The following CYB5B variants were observed in gnomAD, a reference collection of about 807,000 sequenced individuals.
CYB5B encodes the protein cytochrome b5 type B (outer mitochondrial membrane).
CYB5B carries 14 observed loss-of-function variants against 21.3 expected under a neutral mutation model. The observed-to-expected ratio is 0.66, with a 90% confidence interval of 0.43 to 1.03. CYB5B has a LOEUF of 1.03. Ranked by LOEUF, CYB5B falls within the 50% of genes least tolerant of loss-of-function variation. The pLI, the probability that CYB5B is intolerant of heterozygous loss-of-function variation, is 0.00. For synonymous variants in CYB5B, 69 were observed against 68.4 expected (o/e 1.01, Z -0.04); for missense variants, 166 against 185.1 (o/e 0.90, Z 0.60).
At chr16:69,460,911 C>T (rs902157580) in intron 4 of CYB5B, among the ~76,000 whole-genome samples, 1 of 152,160 alleles carries the variant, frequency 6.6e-6, no homozygotes, top group African/African-American at 2.4e-5. Context: ...CCTGAATCTC[C>T]TGTGATGCAG....
chr16:69,450,337 A>C (rs2014920676), intron 3 of CYB5B: 1 of 152,136 alleles, frequency 6.6e-6, no homozygotes, highest in Admixed American at 6.5e-5. Context: ...GAAGTCTCCA[A>C]ATGTAGTTTA....
chr16:69,461,595 G>A (rs2015036315), intron 4 of CYB5B, among the ~76,000 whole-genome samples: 1 of 152,154 alleles, frequency 6.6e-6, no homozygotes, highest in South Asian at 2.1e-4. Flanking sequence ...GATCATGGAA[G>A]AATTATACCT....
Position 69,462,418 on chromosome 16 carries a change from C to A in CYB5B, c.363-12C>A. 1 of 1,600,282 alleles carries A rather than the reference C, an allele frequency of 6.2e-7. No homozygotes were observed. Among genetic ancestry groups the A allele is most frequent in the Non-Finnish European group, 8.6e-7 (1 of 1,167,454 alleles). ...TATTAACAACTTTATTGCTTTCTCC[C>A]CCTATTCCTAGTTGCTGGGCATATT... is the stretch of plus-strand genomic sequence containing the variant. On this transcript the variant is annotated splice_polypyrimidine_tract_variant and intron_variant, in intron 4 of 4. Transcript: ENST00000307892.
At chr16:69,457,034 G>C (rs763209893) in intron 3 of CYB5B, among the ~76,000 whole-genome samples, 1 of 152,106 alleles carries the variant, frequency 6.6e-6, no homozygotes, top group Non-Finnish European at 1.5e-5. Context: ...TAATGGGTTA[G>C]ACAGGTTGGT....
chr16:69,440,745 C>CGTGT (rs56008000), intron 1 of CYB5B, among the ~76,000 whole-genome samples: 54 of 146,414 alleles, frequency 3.7e-4, no homozygotes, highest in South Asian at 6.5e-4. Flanking sequence ...GTGTGTGTTG[C>CGTGT]GTGTGTGTGT....
At position 69,463,916 on chromosome 16, in the gene CYB5B, G is replaced by A. The variant is rs2015061009; in HGVS notation, c.*1396G>A. On this transcript the variant is annotated 3_prime_UTR_variant, in exon 5 of 5. Coordinates refer to ENST00000307892, the MANE Select transcript of CYB5B (RefSeq NM_030579.3). The stretch of plus-strand genomic sequence containing the variant: ...GACTTTTATTTTTTCCCCCATGGAA[G>A]CACTTGAGGAAATAAATAGTACACT... 2 of 152,158 alleles carry A rather than the reference G, an allele frequency of 1.3e-5. No homozygotes were observed. Among genetic ancestry groups the A allele is most frequent in the African/African-American group, 4.8e-5 (2 of 41,440 alleles). 9.4% of individuals were successfully genotyped at this position (152,158 alleles called of 1,614,324 possible). A position where few individuals can be genotyped will look rare whatever the true frequency, so the allele number is the denominator to read the frequency against.
chr16:69,441,078 G>A (rs975903085), intron 1 of CYB5B, among the ~76,000 whole-genome samples: 16 of 151,468 alleles, frequency 1.1e-4, no homozygotes, highest in Middle Eastern at 3.4e-3. Flanking sequence ...CAAGACTTTA[G>A]TATGGTATCA....
At position 69,463,099 on chromosome 16, in the gene CYB5B, TA is replaced by T. The variant is rs2015052123; in HGVS notation, c.*581del. On this transcript the variant is annotated 3_prime_UTR_variant, in exon 5 of 5. Coordinates refer to ENST00000307892, the MANE Select transcript of CYB5B (RefSeq NM_030579.3). Reference sequence around the variant, plus strand: ...ATCTGTATTAAAAAAAAATCTGATTTAATTCTTTTATTTATCATAAGGGGTT... The same window carrying T: ...ATCTGTATTAAAAAAAAATCTGATTTATTCTTTTATTTATCATAAGGGGTT... 6.6e-6 allele frequency: 1 copy of T among 152,422 alleles called. No individual in the cohort carries two copies. 9.4% of individuals were successfully genotyped at this position (152,422 alleles called of 1,614,324 possible).
At chr16:69,459,201 C>T in intron 4 of CYB5B, 80 bp downstream of exon 4, 1 of 1,504,688 alleles carries the variant, frequency 6.6e-7, no homozygotes, top group Non-Finnish European at 8.9e-7. Context: ...ATGTATGTAA[C>T]ATAACTTATG....
intron 3 of CYB5B, among the ~76,000 whole-genome samples, chr16:69,452,140 C>T (rs944618102): frequency 4.0e-5 from 6 of 150,052 alleles, no homozygotes; most frequent in East Asian, 4.0e-4. Flanking sequence ...GCTGGCCGGG[C>T]GCGGTGGCTC....
intron 3 of CYB5B, among the ~76,000 whole-genome samples, 184 bp from the exon 4 acceptor site, chr16:69,458,909 T>C (rs1236747516): frequency 1.3e-5 from 2 of 152,182 alleles, no homozygotes; most frequent in African/African-American, 4.8e-5. Flanking sequence ...CAGTATGTTA[T>C]CAGAAATAAA....
At chr16:69,454,886 T>TTTTTG (rs997890372) in intron 3 of CYB5B, among the ~76,000 whole-genome samples, 10 of 151,752 alleles carry the variant, frequency 6.6e-5, no homozygotes, top group African/African-American at 2.4e-4. Flanking sequence ...TTTTTTGGGG[T>TTTTTG]TTTTGTTTTG....
rs1272370576 is a variant in CYB5B at position 69,465,713 on chromosome 16, A to G, written c.*3193A>G. 6.6e-6 allele frequency: 1 copy of G among 152,210 alleles called. No homozygotes were observed. The highest frequency in any genetic ancestry group is 1.5e-5 in the Non-Finnish European group (1 of 68,036). 9.4% of individuals were successfully genotyped at this position (152,210 alleles called of 1,614,324 possible). ...AGCGATATCTATCTGGTTAAATTCCATTTTAGGAGATTGAGATGCAGAACG... is the reference window on the plus strand; with the variant it reads ...AGCGATATCTATCTGGTTAAATTCCGTTTTAGGAGATTGAGATGCAGAACG... On this transcript the variant is annotated 3_prime_UTR_variant, in exon 5 of 5. Coordinates refer to ENST00000307892, the MANE Select transcript of CYB5B (RefSeq NM_030579.3).
chr16:69,447,642 C>CAAAAAA (rs3035743), intron 2 of CYB5B, among the ~76,000 whole-genome samples: 3 of 133,992 alleles, frequency 2.2e-5, no homozygotes, highest in African/African-American at 5.7e-5. Flanking sequence ...GACTCTGTCT[C>CAAAAAA]AAAAAAAAAA....
intron 3 of CYB5B, among the ~76,000 whole-genome samples, chr16:69,451,164 C>G (rs571373604): frequency 2.1e-4 from 32 of 152,284 alleles, no homozygotes; most frequent in South Asian, 2.1e-4. Context: ...AACCATTTGT[C>G]TTTGTGAATC....
chr16:69,433,634 A>T (rs1323096565), intron 1 of CYB5B, among the ~76,000 whole-genome samples: 6 of 152,104 alleles, frequency 3.9e-5, no homozygotes, highest in Non-Finnish European at 7.4e-5. Context: ...TTGCTGTCAC[A>T]TTTTTTTCTC....
Position 69,424,682 on chromosome 16 carries a change from G to C in CYB5B, c.-2G>C. The C allele has an allele frequency of 1.3e-6, 2 of 1,562,490 alleles. No homozygotes were observed. Among genetic ancestry groups the C allele is most frequent in the Non-Finnish European group, 1.7e-6 (2 of 1,153,684 alleles). On this transcript the variant is annotated 5_prime_UTR_variant, in exon 1 of 5. Transcript: ENST00000307892. ...AATCTCAGTTAGCGGTGGAGAGGCA[G>C]TATGTCCGGTTCAATGGCGACTGCG... is the stretch of plus-strand genomic sequence containing the variant.
At chr16:69,424,942 A>G in intron 1 of CYB5B, 85 bp downstream of exon 1, 2 of 1,337,502 alleles carry the variant, frequency 1.5e-6, no homozygotes, top group Non-Finnish European at 1.9e-6. Context: ...GAAGGAAGGG[A>G]GGCTTGGCTG....
chr16:69,429,387 G>A (rs149714761), intron 1 of CYB5B, among the ~76,000 whole-genome samples: 5 of 152,228 alleles, frequency 3.3e-5, no homozygotes, highest in East Asian at 1.9e-4. Context: ...ACAGAGTGCC[G>A]ATTGGTCCAT....
Sources: gnomAD v4.1 joint callset for allele counts (sites outside exome capture counted in the v4.1 genomes callset) on GRCh38, gnomAD v4.1.1 for gene constraint, MANE v1.5 for transcripts, NCBI Gene and HGNC (gene_info 2026-07-23, HGNC 2026-07-21) for gene names.